PAX5: variants seen among roughly 807,000 people sequenced by gnomAD.
PAX5 encodes paired box protein Pax-5.
Under a neutral mutation model 43.7 loss-of-function variants are expected in PAX5, and 9 were observed. That is an observed-to-expected ratio of 0.21 (90% CI 0.12 to 0.36). PAX5 has a LOEUF of 0.36. Ranked by LOEUF, PAX5 falls within the 10% of genes least tolerant of loss-of-function variation. The pLI, the probability that PAX5 is intolerant of heterozygous loss-of-function variation, is 1.00. For missense variants in PAX5, 383 were observed against 532.7 expected, an observed-to-expected ratio of 0.72 and a Z score of 2.77; for synonymous variants, 228 against 214.3, an observed-to-expected ratio of 1.06 and a Z score of -0.56.
intron 5 of PAX5, among the ~76,000 whole-genome samples, chr9:36,968,996 A>G (rs184146005): frequency 9.2e-4 from 140 of 152,282 alleles, no homozygotes; most frequent in African/African-American, 3.0e-3. Context: ...GGCTCTGCCC[A>G]GTCATCCTGG....
chr9:36,946,777 G>T (rs1331399690), intron 6 of PAX5, among the ~76,000 whole-genome samples: 3 of 152,190 alleles, frequency 2.0e-5, no homozygotes. Flanking sequence ...AGCATCCCCA[G>T]GAGACAGTTG....
Position 37,002,658 on chromosome 9 carries a change from C to A in PAX5, c.594G>T (p.Lys198Asn). 6.2e-7 allele frequency: 1 copy of A among 1,612,254 alleles called. No individual in the cohort carries two copies. Among genetic ancestry groups the A allele is most frequent in the Admixed American group, 1.7e-5 (1 of 59,894 alleles). ...TSPSADTNKR[K>N]RDEGIQESPV... ...GCGGGCCTCTCTTACCTTCGTCTCT[C>A]TTGCGCTTGTTGGTGTCGGCGCTGG... Residue 198 changes from lysine (K) to asparagine (N), a missense_variant, in exon 5 of 10, where the codon AAG (lysine) becomes AAT (asparagine). Around this residue, in one of 5 missense-constraint regions of PAX5, gnomAD observed 291 missense variants for 342.5 expected, o/e 0.85. Coordinates refer to ENST00000358127, the MANE Select transcript of PAX5 (RefSeq NM_016734.3).
chr9:36,939,148 A>T (rs1351445398), intron 6 of PAX5, among the ~76,000 whole-genome samples: 5 of 152,228 alleles, frequency 3.3e-5, no homozygotes, highest in African/African-American at 1.2e-4. Flanking sequence ...CCAACTTTTT[A>T]AATTTGCCCT....
intron 3 of PAX5, 137 bp from the exon 4 acceptor site, chr9:37,006,674 G>A: frequency 2.8e-6 from 2 of 705,396 alleles, no homozygotes; most frequent in East Asian, 5.0e-5. Context: ...GGCAGAGGTG[G>A]AGGGAGATTA....
intron 6 of PAX5, among the ~76,000 whole-genome samples, chr9:36,957,738 C>A (rs554678144): frequency 6.6e-6 from 1 of 152,116 alleles, no homozygotes; most frequent in South Asian, 2.1e-4. Context: ...TGAACAAAAG[C>A]GCATCCAGCC....
chr9:36,927,249 G>A (rs948340507), intron 6 of PAX5, among the ~76,000 whole-genome samples: 1 of 152,128 alleles, frequency 6.6e-6, no homozygotes, highest in Non-Finnish European at 1.5e-5. Context: ...CCTGGGGCCT[G>A]GCACATTCCT....
chr9:36,975,505 C>T (rs1835351455), intron 5 of PAX5, among the ~76,000 whole-genome samples: 1 of 152,040 alleles, frequency 6.6e-6, no homozygotes, highest in Admixed American at 6.6e-5. Context: ...CCTGCCTCAG[C>T]ATCCTCAGTA....
chr9:36,980,948 C>T (rs1370812735), intron 5 of PAX5, among the ~76,000 whole-genome samples: 6 of 152,058 alleles, frequency 3.9e-5, no homozygotes, highest in Non-Finnish European at 7.4e-5. Flanking sequence ...CCAGCAATCC[C>T]ACCTTTCTGA....
At chr9:36,943,903 G>C (rs374322114) in intron 6 of PAX5, among the ~76,000 whole-genome samples, 1 of 152,116 alleles carries the variant, frequency 6.6e-6, no homozygotes, top group Admixed American at 6.6e-5. Flanking sequence ...TAAGTGACTA[G>C]AGCTGGGCTC....
At chr9:36,977,315 G>C (rs950850209) in intron 5 of PAX5, among the ~76,000 whole-genome samples, 8 of 129,174 alleles carry the variant, frequency 6.2e-5, no homozygotes, top group Non-Finnish European at 9.8e-5. Context: ...TTGGGGGGGT[G>C]GGGGGAGGGA....
In PAX5 at chr9:37,002,776, A is replaced by G; in HGVS notation, c.476T>C (p.Val159Ala). 6.2e-7 allele frequency: 1 copy of G among 1,607,734 alleles called. No individual in the cohort carries two copies. The highest frequency in any genetic ancestry group is 1.1e-5 in the South Asian group (1 of 89,770). Residue 159 changes from valine to alanine, a missense_variant and splice_region_variant, in exon 5 of 10, where the codon GTG becomes GCG. This residue lies in a region of PAX5 where 291 missense variants were observed against 342.5 expected (regional missense o/e 0.85). Transcript: ENST00000358127. ...QPVPASSHSIVSTGSVTQVSS... is the reference protein window; with the variant it reads ...QPVPASSHSIASTGSVTQVSS... ...CACCTGCGTCACGGAGCCAGTGGAC[A>G]CTGCGCGGAGAAAGACGGGCGGTCA...
intron 1 of PAX5, among the ~76,000 whole-genome samples, chr9:37,030,100 C>T (rs1340058817): frequency 6.6e-6 from 1 of 152,214 alleles, no homozygotes; most frequent in East Asian, 1.9e-4. Context: ...CCGATTCTCC[C>T]TTTCACACAG....
chr9:37,002,518 G>C (rs1837973470), intron 5 of PAX5, 130 bp downstream of exon 5: 1 of 936,614 alleles, frequency 1.1e-6, no homozygotes, highest in South Asian at 1.7e-5. Context: ...GACAGCGTGC[G>C]GGCCGGGGGA....
At chr9:37,031,249 A>T (rs1014267334) in intron 1 of PAX5, among the ~76,000 whole-genome samples, 2 of 151,724 alleles carry the variant, frequency 1.3e-5, no homozygotes, top group African/African-American at 4.8e-5. Context: ...CGCTGGGACT[A>T]CTCTCTCTCC....
intron 6 of PAX5, among the ~76,000 whole-genome samples, chr9:36,934,934 C>T (rs1424919549): frequency 2.6e-5 from 4 of 152,204 alleles, no homozygotes; most frequent in South Asian, 2.1e-4. Context: ...CATGGCCTGG[C>T]TCTTCCAACG....
chr9:36,919,839 C>CAAAAAAAA (rs61173333), intron 7 of PAX5, among the ~76,000 whole-genome samples: 5 of 66,214 alleles, frequency 7.6e-5, no homozygotes, highest in Non-Finnish European at 8.2e-5. Context: ...GACTCTGTCT[C>CAAAAAAAA]AAAAAAAAAA....
intron 7 of PAX5, among the ~76,000 whole-genome samples, chr9:36,918,403 C>G (rs7047331): frequency 0.011 from 1,600 of 152,292 alleles, 34 homozygotes; most frequent in African/African-American, 0.037. Flanking sequence ...TGGCTTACAC[C>G]TGTAATCCCA....
chr9:37,034,081 T>C lies in PAX5; in HGVS notation c.-50A>G, dbSNP rs1841287108. On this transcript the variant is annotated 5_prime_UTR_variant, in exon 1 of 10. Transcript: ENST00000358127. Reference sequence around the variant, plus strand: ...ATGGACAGGGAAAAGTTTCCACTTTTTTGTGCCTTTTTTTTTCTTTTTTTT... The same window carrying C: ...ATGGACAGGGAAAAGTTTCCACTTTCTTGTGCCTTTTTTTTTCTTTTTTTT... 2.7e-6 allele frequency: 3 copies of C among 1,093,510 alleles called. No homozygotes were observed. The highest frequency in any genetic ancestry group is 1.6e-5 in the African/African-American group (1 of 62,196). The allele number at this position is 1,093,510 out of a possible 1,614,324, so 67.7% of individuals were successfully genotyped here.
At chr9:36,975,367 C>T (rs1014709819) in intron 5 of PAX5, among the ~76,000 whole-genome samples, 12 of 152,072 alleles carry the variant, frequency 7.9e-5, no homozygotes, top group Non-Finnish European at 1.5e-4. Context: ...CTCACAAGCC[C>T]ATGATATTTG....
Sources: allele counts gnomAD v4.1 joint callset (sites outside exome capture counted in the v4.1 genomes callset), GRCh38; gene constraint gnomAD v4.1.1; regional missense constraint gnomAD v4.1.1; transcripts MANE v1.5; gene names NCBI Gene and HGNC (gene_info 2026-07-23, HGNC 2026-07-21).